Variants in POLR2F observed in about 807,000 individuals in gnomAD.
The protein encoded by POLR2F is RNA polymerase II, I and III subunit F, also known as DNA-directed RNA polymerases I, II, and III subunit RPABC2.
POLR2F carries 12 observed loss-of-function variants against 22.7 expected under a neutral mutation model. That is an observed-to-expected ratio of 0.53 (90% CI 0.34 to 0.86). The LOEUF (loss-of-function observed/expected upper bound fraction) is 0.86. Ranked by LOEUF, POLR2F falls within the 40% of genes least tolerant of loss-of-function variation. The pLI is 0.02. For synonymous variants in POLR2F, 57 were observed against 66.0 expected (o/e 0.86, Z 0.66); for missense variants, 126 against 171.5 (o/e 0.73, Z 1.48).
Position 38,021,724 on chromosome 22 carries a change from C to T in POLR2F, c.121-4145C>T, listed in dbSNP as rs569190888. 1.9e-4 allele frequency among the ~76,000 whole-genome samples: 29 copies of T among 152,056 alleles called. 1 individual carries two copies. The highest frequency in any genetic ancestry group is 1.4e-3 in the East Asian group (7 of 5,146). On this transcript the variant is annotated intron_variant, in intron 1 of 2. Transcript: ENST00000333418. Reference sequence around the variant, plus strand: ...CTCACGCCTCAGCCTCCCAAAGTACCGGGATTACAGGCGTGAGCCACTGCA... The same window carrying T: ...CTCACGCCTCAGCCTCCCAAAGTACTGGGATTACAGGCGTGAGCCACTGCA...
intron 1 of POLR2F, among the ~76,000 whole-genome samples, chr22:38,001,847 G>A (rs942446238): frequency 1.3e-5 from 2 of 150,876 alleles, no homozygotes; most frequent in Non-Finnish European, 3.0e-5. Flanking sequence ...GGTTTTTTTT[G>A]GATGGAGTCT....
intron 1 of POLR2F, among the ~76,000 whole-genome samples, chr22:38,019,680 C>T (rs544321082): frequency 5.9e-5 from 9 of 152,336 alleles, no homozygotes; most frequent in African/African-American, 1.9e-4. Flanking sequence ...CTCACGTGGG[C>T]GGGGCCCACA....
intron 1 of POLR2F, among the ~76,000 whole-genome samples, chr22:37,955,267 T>C (rs945903605): frequency 1.3e-5 from 2 of 149,984 alleles, no homozygotes; most frequent in African/African-American, 4.9e-5. Context: ...GGCCGGGTGC[T>C]GTGGCTTACA....
At chr22:38,027,539 T>C (rs2085025240), downstream of POLR2F, among the ~76,000 whole-genome samples, 1 of 152,116 alleles carries the variant, frequency 6.6e-6, no homozygotes, top group Non-Finnish European at 1.5e-5. Context: ...CTCCCTCCTC[T>C]CGCTGTGCTA....
At chr22:37,965,488 T>G (rs528906274) in intron 3 of POLR2F, among the ~76,000 whole-genome samples, 20 of 152,380 alleles carry the variant, frequency 1.3e-4, no homozygotes, top group Admixed American at 5.2e-4. Context: ...ACATTCCATG[T>G]GCATAATAGG....
intron 1 of POLR2F, among the ~76,000 whole-genome samples, chr22:38,006,985 C>T (rs984664744): frequency 3.9e-5 from 6 of 152,162 alleles, no homozygotes; most frequent in Admixed American, 3.3e-4. Context: ...AAGCCACAGG[C>T]GCACACATCT....
chr22:37,997,397 G>A lies in POLR2F; in HGVS notation c.120+11085G>A, dbSNP rs1276766724. Reference sequence around the variant, plus strand: ...GCCTCTTGGTGTCCTTCTTGTCCTGGCCCTCCTGCCCTGGCTCCCTGTCTC... The same window carrying A: ...GCCTCTTGGTGTCCTTCTTGTCCTGACCCTCCTGCCCTGGCTCCCTGTCTC... On this transcript the variant is annotated intron_variant, in intron 1 of 2. Transcript: ENST00000333418. The surrounding 1 kb of genome is among the most constrained non-coding windows in gnomAD (Gnocchi z 4.4). 6.6e-6 allele frequency among the ~76,000 whole-genome samples: 1 copy of A among 151,594 alleles called. No individual in the cohort carries two copies. Among genetic ancestry groups the A allele is most frequent in the East Asian group, 1.9e-4 (1 of 5,166 alleles).
At chr22:37,956,100 G>A (rs576483607) in intron 1 of POLR2F, among the ~76,000 whole-genome samples, 17 of 151,014 alleles carry the variant, frequency 1.1e-4, no homozygotes, top group East Asian at 2.0e-4. Flanking sequence ...TGGCGGGGGG[G>A]GGTTTTGAGA....
intron 1 of POLR2F, among the ~76,000 whole-genome samples, chr22:38,008,718 T>C (rs1473230506): frequency 6.7e-6 from 1 of 150,304 alleles, no homozygotes; most frequent in East Asian, 2.0e-4. Flanking sequence ...TACAAAAAAT[T>C]AGCCAGGCTT....
At chr22:37,993,336 C>T (rs1025989852) in intron 1 of POLR2F, among the ~76,000 whole-genome samples, 1 of 152,152 alleles carries the variant, frequency 6.6e-6, no homozygotes, top group African/African-American at 2.4e-5. Flanking sequence ...CTCTGTGATC[C>T]AGGCCATTGC....
chr22:37,994,093 T>G (rs1044822426), intron 1 of POLR2F, among the ~76,000 whole-genome samples: 13 of 152,236 alleles, frequency 8.5e-5, no homozygotes, highest in African/African-American at 2.7e-4. Context: ...ATGCCCCGCA[T>G]TTTCCAGGTG....
intron 1 of POLR2F, among the ~76,000 whole-genome samples, chr22:38,003,513 C>T (rs367846815): frequency 2.0e-5 from 3 of 152,102 alleles, no homozygotes; most frequent in African/African-American, 7.2e-5. Flanking sequence ...AGGAGTGAGC[C>T]ACTGCACCCG....
chr22:38,034,403 G>A (rs1272570715), intron 5 of POLR2F, among the ~76,000 whole-genome samples: 1 of 152,194 alleles, frequency 6.6e-6, no homozygotes, highest in African/African-American at 2.4e-5. Context: ...CCACGTGGCG[G>A]CAGGCAGGTC....
At position 38,031,856 on chromosome 22, in the gene POLR2F, C is replaced by G. The variant is rs867530479; in HGVS notation, c.453-9212C>G. ...GAGTCATTTTTGACTCATCCATCCC[C>G]TTCATCCCCTATGGCTAGTCATCGG... is the stretch of plus-strand genomic sequence containing the variant. On this transcript the variant is annotated intron_variant, in intron 5 of 5. Coordinates refer to the POLR2F transcript ENST00000407936. The surrounding 1 kb of genome is among the most constrained non-coding windows in gnomAD (Gnocchi z 4.1). Among the ~76,000 whole-genome samples, 38 of 152,298 alleles carry G rather than the reference C, an allele frequency of 2.5e-4. No individual in the cohort carries two copies. Among genetic ancestry groups the G allele is most frequent in the African/African-American group, 8.7e-4 (36 of 41,558 alleles).
At chr22:38,003,458 C>T in intron 1 of POLR2F, among the ~76,000 whole-genome samples, 1 of 152,088 alleles carries the variant, frequency 6.6e-6, no homozygotes, top group East Asian at 1.9e-4. Context: ...AACGCCTGAC[C>T]TCAAGTGATC....
At chr22:37,981,211 A>G (rs1337019835), upstream of POLR2F, among the ~76,000 whole-genome samples, 1 of 152,052 alleles carries the variant, frequency 6.6e-6, no homozygotes, top group Non-Finnish European at 1.5e-5. Flanking sequence ...TAACCACCCC[A>G]CTTCTTGACA....
downstream of POLR2F, chr22:38,041,384 T>C (rs2085170780): frequency 2.4e-6 from 1 of 411,388 alleles, no homozygotes; most frequent in Non-Finnish European, 4.4e-6. Flanking sequence ...TTGGGATGTC[T>C]GGAGTCTAGG....
At chr22:37,962,068 A>C (rs1337647949) in intron 3 of POLR2F, among the ~76,000 whole-genome samples, 1 of 151,998 alleles carries the variant, frequency 6.6e-6, no homozygotes, top group African/African-American at 2.4e-5. Context: ...CCATCTCTAC[A>C]AAAAATACAA....
Position 37,978,164 on chromosome 22 carries a change from A to G in POLR2F, c.293+10994A>G. The G allele has an allele frequency of 6.6e-7, 1 of 1,515,950 alleles. No homozygotes were observed. The highest frequency in any genetic ancestry group is 8.8e-7 in the Non-Finnish European group (1 of 1,132,728). The allele number at this position is 1,515,950 out of a possible 1,614,324, so 93.9% of individuals were successfully genotyped here. On this transcript the variant is annotated intron_variant, in intron 4 of 4. Coordinates refer to the POLR2F transcript ENST00000405557. This position sits in a 1 kb window ranked among gnomAD's most constrained non-coding sequence, Gnocchi z 5.0. ...GGGTGTGGTGGGAGGCGGAGAGGACAGCAGAGGGGCTGGCGTGAATGCCAG... is the reference window on the plus strand; with the variant it reads ...GGGTGTGGTGGGAGGCGGAGAGGACGGCAGAGGGGCTGGCGTGAATGCCAG...
Sources: allele counts gnomAD v4.1 joint callset (sites outside exome capture counted in the v4.1 genomes callset), GRCh38; gene constraint gnomAD v4.1.1; non-coding constraint Gnocchi (gnomAD v3.1); transcripts MANE v1.5; gene names NCBI Gene and HGNC (gene_info 2026-07-23, HGNC 2026-07-21).